Variants in RABGAP1L observed in about 807,000 individuals in gnomAD.
The protein encoded by RABGAP1L is rab GTPase-activating protein 1-like.
Under a neutral mutation model 137.7 loss-of-function variants are expected in RABGAP1L, and 63 were observed. The ratio of observed to expected loss-of-function variants is 0.46; its 90% CI spans 0.37 to 0.56. The LOEUF is 0.56. Ranked by LOEUF, RABGAP1L falls within the 20% of genes least tolerant of loss-of-function variation. The pLI is 0.00. For missense variants in RABGAP1L, 1,095 were observed against 1,244.0 expected, an observed-to-expected ratio of 0.88 and a Z score of 1.80; for synonymous variants, 431 against 433.7, an observed-to-expected ratio of 0.99 and a Z score of 0.08.
intron 13 of RABGAP1L, among the ~76,000 whole-genome samples, chr1:174,599,200 G>A (rs113671630): frequency 0.014 from 2,194 of 152,196 alleles, 31 homozygotes; most frequent in South Asian, 0.032. Flanking sequence ...AAAACCAAAC[G>A]AAAAAGCAGA....
intron 18 of RABGAP1L, among the ~76,000 whole-genome samples, chr1:174,789,573 A>G (rs1040445121): frequency 2.6e-5 from 4 of 152,110 alleles, no homozygotes; most frequent in African/African-American, 9.7e-5. Context: ...CATCTGCTAC[A>G]TGGGAGTGAC....
chr1:174,879,394 A>G (rs926558812), intron 19 of RABGAP1L, among the ~76,000 whole-genome samples: 4 of 129,904 alleles, frequency 3.1e-5, no homozygotes, highest in African/African-American at 1.4e-4. Context: ...CACGGTGCAC[A>G]GCCTTTTTTT....
At chr1:174,438,718 A>T (rs1197121290) in intron 13 of RABGAP1L, among the ~76,000 whole-genome samples, 3 of 135,146 alleles carry the variant, frequency 2.2e-5, no homozygotes, top group African/African-American at 9.1e-5. Context: ...ACTCTGTCAA[A>T]AAAAACCCAA....
intron 10 of RABGAP1L, among the ~76,000 whole-genome samples, chr1:174,302,712 T>A (rs1184417425): frequency 6.6e-6 from 1 of 152,226 alleles, no homozygotes; most frequent in Non-Finnish European, 1.5e-5. Flanking sequence ...TTTTTTGATC[T>A]GTGCTAAGTG....
chr1:174,257,512 A>G (rs979063411), intron 7 of RABGAP1L, among the ~76,000 whole-genome samples: 72 of 152,368 alleles, frequency 4.7e-4, no homozygotes, highest in African/African-American at 1.7e-3. Context: ...ACAATAACTT[A>G]GAAATGTTAC....
chr1:174,891,366 A>G (rs573849112), intron 19 of RABGAP1L, among the ~76,000 whole-genome samples: 5 of 152,236 alleles, frequency 3.3e-5, no homozygotes, highest in Non-Finnish European at 5.9e-5. Context: ...TTTAAATTCT[A>G]TAAATGAAGG....
At chr1:174,268,978 A>T (rs757749710) in intron 7 of RABGAP1L, among the ~76,000 whole-genome samples, 2 of 151,786 alleles carry the variant, frequency 1.3e-5, no homozygotes, top group Non-Finnish European at 2.9e-5. Context: ...CCCACGCTGG[A>T]GTGCAGTGGC....
chr1:174,303,731 A>C (rs1334264393), intron 10 of RABGAP1L, among the ~76,000 whole-genome samples: 1 of 152,212 alleles, frequency 6.6e-6, no homozygotes. Context: ...ATGAGATCAA[A>C]GTAGTTCAGA....
In RABGAP1L at chr1:174,728,525, T is replaced by C. The variant is rs559156874; in HGVS notation, c.2170-23788T>C. On this transcript the variant is annotated intron_variant, in intron 17 of 25. Transcript: ENST00000681986. ...TGTTCATGGATTGGAAGAATCGGTA[T>C]CATTAATATGGCCATACTGTGCAAA... 2.6e-5 allele frequency among the ~76,000 whole-genome samples: 4 copies of C among 151,796 alleles called. No homozygotes were observed. In the South Asian group the frequency reaches 8.3e-4, roughly 32 times the overall value.
chr1:174,284,603 G>C (rs986277863), intron 10 of RABGAP1L, among the ~76,000 whole-genome samples: 12 of 152,120 alleles, frequency 7.9e-5, no homozygotes, highest in African/African-American at 2.9e-4. Flanking sequence ...GTGATAGCTA[G>C]ATCATGTGGT....
intron 13 of RABGAP1L, among the ~76,000 whole-genome samples, chr1:174,601,956 C>G (rs575613746): frequency 1.3e-5 from 2 of 152,258 alleles, no homozygotes; most frequent in African/African-American, 4.8e-5. Context: ...CCTGAGACCA[C>G]GTAAGCCTGG....
At chr1:174,614,427 G>T (rs1346621483) in intron 13 of RABGAP1L, among the ~76,000 whole-genome samples, 2 of 152,178 alleles carry the variant, frequency 1.3e-5, no homozygotes, top group African/African-American at 2.4e-5. Context: ...CTGGCTTGTA[G>T]ACTTTCTGCC....
At chr1:174,718,667 G>A (rs1198248037) in intron 17 of RABGAP1L, among the ~76,000 whole-genome samples, 4 of 152,132 alleles carry the variant, frequency 2.6e-5, no homozygotes, top group Non-Finnish European at 5.9e-5. Flanking sequence ...ATCAGGCTGA[G>A]TGTAAGGATG....
At chr1:174,373,005 C>G (rs565544414) in intron 12 of RABGAP1L, among the ~76,000 whole-genome samples, 4 of 152,320 alleles carry the variant, frequency 2.6e-5, no homozygotes, top group African/African-American at 7.2e-5. Context: ...TCATTTTGTC[C>G]ATTTCAAAAA....
intron 11 of RABGAP1L, among the ~76,000 whole-genome samples, chr1:174,347,746 G>A (rs761525009): frequency 2.3e-4 from 35 of 152,050 alleles, no homozygotes; most frequent in Non-Finnish European, 3.2e-4. Flanking sequence ...TGCCCGCCTC[G>A]GCCTCCCAGA....
rs1011054992 is a variant in RABGAP1L at position 174,663,877 on chromosome 1, T to C, written c.1825-19645T>C. ...TATACTTATTGTCATGTGTTTTGCA[T>C]TTTTGTGCTTCTTGATGATTTTTCT... On this transcript the variant is annotated intron_variant, in intron 14 of 25. Transcript: ENST00000681986. 3.3e-5 allele frequency among the ~76,000 whole-genome samples: 5 copies of C among 152,186 alleles called. No homozygotes were observed. The South Asian group carries it at 1.0e-3, about 31-fold the overall frequency.
rs1672288109 is a variant in RABGAP1L at position 174,995,098 on chromosome 1, A to C, written c.*5097A>C. 6.6e-6 allele frequency: 1 copy of C among 152,246 alleles called. No homozygotes were observed. Among genetic ancestry groups the C allele is most frequent in the Non-Finnish European group, 1.5e-5 (1 of 68,044 alleles). 9.4% of individuals were successfully genotyped at this position (152,246 alleles called of 1,614,324 possible). ...GTCTAAAAAGTGCAATTTATTGTAC[A>C]TTGTCCCAACAAATGTTTACTTTTA... is the stretch of plus-strand genomic sequence containing the variant. On this transcript the variant is annotated 3_prime_UTR_variant, in exon 26 of 26. Coordinates refer to ENST00000681986, the MANE Select transcript of RABGAP1L (RefSeq NM_001366446.1).
chr1:174,651,819 C>A (rs61826945), intron 14 of RABGAP1L, among the ~76,000 whole-genome samples: 3,052 of 152,286 alleles, frequency 0.02, 48 homozygotes, highest in Middle Eastern at 0.054. Flanking sequence ...TTAATTGGAG[C>A]ATTTATTCCA....
intron 13 of RABGAP1L, among the ~76,000 whole-genome samples, chr1:174,529,933 C>T (rs898465705): frequency 2.0e-5 from 3 of 152,076 alleles, no homozygotes; most frequent in Non-Finnish European, 4.4e-5. Flanking sequence ...ACTCCCCTGA[C>T]CCCCAGACTC....
Sources: gnomAD v4.1 joint callset for allele counts (sites outside exome capture counted in the v4.1 genomes callset) on GRCh38, gnomAD v4.1.1 for gene constraint, MANE v1.5 for transcripts, NCBI Gene and HGNC (gene_info 2026-07-23, HGNC 2026-07-21) for gene names.